Variants in CADM2 observed in about 807,000 individuals in gnomAD.
The protein encoded by CADM2 is cell adhesion molecule 2, also known as immunoglobulin superfamily member 4D.
In CADM2, 12 loss-of-function variants were observed where a neutral mutation model predicts 49.8. The ratio of observed to expected loss-of-function variants is 0.24; its 90% confidence interval spans 0.15 to 0.39. CADM2 has a LOEUF of 0.39. Among genes scored for constraint, CADM2 ranks in the 10% least tolerant of loss-of-function variants. The pLI is 1.00. For synonymous variants in CADM2, 214 were observed against 175.4 expected (o/e 1.22, Z -1.74); for missense variants, 378 against 492.3 (o/e 0.77, Z 2.20).
chr3:85,063,111 GT>G (rs1176323378), intron 1 of CADM2, among the ~76,000 whole-genome samples: 1 of 151,554 alleles, frequency 6.6e-6, no homozygotes, highest in Admixed American at 6.6e-5. Flanking sequence ...TAATTTTTAG[GT>G]TTTTTATGTA....
intron 3 of CADM2, among the ~76,000 whole-genome samples, chr3:85,827,544 C>G (rs1261599573): frequency 6.6e-6 from 1 of 151,770 alleles, no homozygotes; most frequent in Admixed American, 6.6e-5. Flanking sequence ...GGGGATTATT[C>G]TATTTATGGA....
intron 1 of CADM2, among the ~76,000 whole-genome samples, chr3:85,351,626 G>C (rs193066042): frequency 6.6e-6 from 1 of 152,086 alleles, no homozygotes; most frequent in Admixed American, 6.6e-5. Flanking sequence ...AATATGTAAA[G>C]TTTACTGCAC....
intron 1 of CADM2, among the ~76,000 whole-genome samples, chr3:85,612,091 G>C (rs1431964463): frequency 1.3e-5 from 2 of 151,880 alleles, no homozygotes; most frequent in Non-Finnish European, 2.9e-5. Flanking sequence ...ATGAAATTAA[G>C]ATGGATTCAC....
chr3:85,888,333 A>G (rs527881717), intron 5 of CADM2, among the ~76,000 whole-genome samples: 1 of 152,298 alleles, frequency 6.6e-6, no homozygotes, highest in South Asian at 2.1e-4. Context: ...CCTCTGTTTT[A>G]AATGCCAAAC....
At chr3:85,629,140 G>T (rs1021564872) in intron 1 of CADM2, among the ~76,000 whole-genome samples, 1 of 151,632 alleles carries the variant, frequency 6.6e-6, no homozygotes, top group African/African-American at 2.4e-5. Flanking sequence ...ATTATATATG[G>T]TCATATATAT....
At chr3:85,960,784 A>C (rs1724715184) in intron 7 of CADM2, among the ~76,000 whole-genome samples, 1 of 151,706 alleles carries the variant, frequency 6.6e-6, no homozygotes, top group Non-Finnish European at 1.5e-5. Context: ...ACTCACAGTA[A>C]AAACCTCTAA....
At chr3:85,532,312 A>C (rs532785358) in intron 1 of CADM2, among the ~76,000 whole-genome samples, 12 of 152,180 alleles carry the variant, frequency 7.9e-5, no homozygotes, top group South Asian at 2.1e-4. Context: ...GTTGACTTGA[A>C]ATTTTTTAAA....
At chr3:85,169,425 G>A (rs1191288281) in intron 1 of CADM2, among the ~76,000 whole-genome samples, 1 of 152,136 alleles carries the variant, frequency 6.6e-6, no homozygotes, top group Non-Finnish European at 1.5e-5. Context: ...TAAATTAAAT[G>A]TATTATCTGT....
chr3:85,781,219 G>T (rs2070629443), intron 2 of CADM2, among the ~76,000 whole-genome samples: 1 of 152,118 alleles, frequency 6.6e-6, no homozygotes, highest in Non-Finnish European at 1.5e-5. Flanking sequence ...CCAAGGTCAT[G>T]CTCAATGGTT....
intron 1 of CADM2, among the ~76,000 whole-genome samples, chr3:85,112,271 G>A (rs1211000693): frequency 2.0e-5 from 3 of 151,666 alleles, no homozygotes; most frequent in African/African-American, 7.3e-5. Flanking sequence ...TGCCCAGTAT[G>A]TGTCATGTAC....
intron 1 of CADM2, among the ~76,000 whole-genome samples, chr3:85,486,538 T>C (rs2039423734): frequency 6.6e-6 from 1 of 152,144 alleles, no homozygotes; most frequent in African/African-American, 2.4e-5. Flanking sequence ...AAAATTTAAC[T>C]ATTATCAAGG....
chr3:85,996,877 A>G (rs1729497452), intron 8 of CADM2, among the ~76,000 whole-genome samples: 1 of 152,184 alleles, frequency 6.6e-6, no homozygotes, highest in African/African-American at 2.4e-5. Flanking sequence ...AACAAGATAA[A>G]CAATCCCTAT....
At chr3:85,733,495 C>T (rs756090919) in intron 2 of CADM2, among the ~76,000 whole-genome samples, 130 of 152,256 alleles carry the variant, frequency 8.5e-4, no homozygotes, top group Admixed American at 2.7e-3. Flanking sequence ...AAAGTACAAA[C>T]TAGTCTGGGT....
At chr3:85,823,041 A>T (rs1289765641) in intron 3 of CADM2, among the ~76,000 whole-genome samples, 1 of 152,178 alleles carries the variant, frequency 6.6e-6, no homozygotes, top group Non-Finnish European at 1.5e-5. Flanking sequence ...AATATATAAG[A>T]TAAGTGAAGG....
At chr3:85,048,987 G>A (rs1014322524) in intron 1 of CADM2, among the ~76,000 whole-genome samples, 7 of 152,106 alleles carry the variant, frequency 4.6e-5, no homozygotes, top group Non-Finnish European at 8.8e-5. Context: ...AAGTTTATTA[G>A]GGGAAAAATA....
chr3:85,384,574 A>G (rs1256026859), intron 1 of CADM2, among the ~76,000 whole-genome samples: 3 of 152,050 alleles, frequency 2.0e-5, no homozygotes, highest in African/African-American at 4.8e-5. Flanking sequence ...TCAGCCTCCC[A>G]AACTGCTGTG....
chr3:85,714,931 C>T (rs1191877430), intron 1 of CADM2, among the ~76,000 whole-genome samples: 1 of 152,010 alleles, frequency 6.6e-6, no homozygotes, highest in Admixed American at 6.6e-5. Flanking sequence ...CTAGGTGACA[C>T]TTTAGTTTTC....
intron 1 of CADM2, among the ~76,000 whole-genome samples, chr3:85,693,723 C>CAAAAAAAAA: frequency 1.5e-5 from 1 of 66,536 alleles, no homozygotes; most frequent in Non-Finnish European, 2.8e-5. Flanking sequence ...ACGTATCTAC[C>CAAAAAAAAA]AAAAAAAAAA....
At chr3:84,989,542 A>G (rs1178435566) in intron 1 of CADM2, among the ~76,000 whole-genome samples, 1 of 151,986 alleles carries the variant, frequency 6.6e-6, no homozygotes, top group Non-Finnish European at 1.5e-5. Context: ...TTTCTGTAGT[A>G]TTTATGTTCA....
Sources: allele counts gnomAD v4.1 joint callset (sites outside exome capture counted in the v4.1 genomes callset), GRCh38; gene constraint gnomAD v4.1.1; transcripts MANE v1.5; gene names NCBI Gene and HGNC (gene_info 2026-07-23, HGNC 2026-07-21).